The following LRP1B variants were observed in gnomAD, a reference collection of about 807,000 sequenced individuals.
LRP1B encodes LDL receptor related protein 1B.
A neutral mutation model predicts 556.6 loss-of-function variants in LRP1B; 217 were observed. The ratio of observed to expected loss-of-function variants is 0.39; its 90% CI spans 0.35 to 0.44. The LOEUF is 0.44. LRP1B is among the 20% of genes least tolerant of loss of function. The pLI, the probability that LRP1B is intolerant of heterozygous loss-of-function variation, is 1.00. For synonymous variants in LRP1B, 2,047 were observed against 1,865.8 expected, an observed-to-expected ratio of 1.10 and a Z score of -2.50; for missense variants, 5,053 against 5,620.8, an observed-to-expected ratio of 0.90 and a Z score of 3.23.
chr2:141,157,689 A>C (rs561281689), intron 7 of LRP1B, among the ~76,000 whole-genome samples: 1 of 152,252 alleles, frequency 6.6e-6, no homozygotes, highest in East Asian at 1.9e-4. Flanking sequence ...ATTACACAAA[A>C]ATTGTGCTGT....
chr2:140,871,909 A>T (rs1046457476), intron 25 of LRP1B, among the ~76,000 whole-genome samples: 12 of 152,218 alleles, frequency 7.9e-5, no homozygotes, highest in Admixed American at 6.6e-4. Context: ...ATGACATTTT[A>T]AAAGATTTTT....
chr2:141,700,566 G>T (rs1238773388), intron 2 of LRP1B, among the ~76,000 whole-genome samples: 1 of 151,718 alleles, frequency 6.6e-6, no homozygotes, highest in Non-Finnish European at 1.5e-5. Flanking sequence ...ATAGCCCAAA[G>T]TGAAGGCCTC....
chr2:141,131,407 T>TTATATATATATA (rs67661603), intron 7 of LRP1B, among the ~76,000 whole-genome samples: 21,402 of 110,146 alleles, frequency 0.19, 2,723 homozygotes, highest in Admixed American at 0.24. Context: ...ATGCATAAAG[T>TTATATATATATA]TATATATATA....
At chr2:140,540,319 AC>A (rs1446143939) in intron 45 of LRP1B, among the ~76,000 whole-genome samples, 2 of 152,130 alleles carry the variant, frequency 1.3e-5, no homozygotes, top group African/African-American at 2.4e-5. Context: ...AAGGAAATTA[AC>A]CTTTTTTAAA....
intron 4 of LRP1B, among the ~76,000 whole-genome samples, chr2:141,248,401 A>T (rs557699560): frequency 1.3e-5 from 2 of 152,286 alleles, no homozygotes; most frequent in East Asian, 3.9e-4. Context: ...TCGAGTTATG[A>T]TAGAAACAGG....
At chr2:140,961,063 A>G (rs926156470) in intron 18 of LRP1B, among the ~76,000 whole-genome samples, 3 of 151,942 alleles carry the variant, frequency 2.0e-5, no homozygotes, top group Non-Finnish European at 2.9e-5. Context: ...TGTGTTCTCT[A>G]TTTAATCCTC....
chr2:140,506,246 A>C (rs1689405977), intron 53 of LRP1B, among the ~76,000 whole-genome samples: 1 of 141,564 alleles, frequency 7.1e-6, no homozygotes, highest in African/African-American at 2.5e-5. Flanking sequence ...TAATTTATTT[A>C]TTTATGTATT....
intron 11 of LRP1B, among the ~76,000 whole-genome samples, chr2:141,044,552 A>G (rs1445677070): frequency 6.7e-6 from 1 of 149,862 alleles, no homozygotes; most frequent in Non-Finnish European, 1.5e-5. Flanking sequence ...AGAATCTACA[A>G]TGAACTCAAA....
rs201761576 is a variant in LRP1B at position 141,319,299 on chromosome 2, G to GTTT, written c.344-64661_344-64659dup. On this transcript the variant is annotated intron_variant, in intron 3 of 90. Transcript: ENST00000389484. ...CATAATGTAGTCTCTAAAAAGCAGT[G>GTTT]TTTTTTTGTTGTTTTTTTTTTTTTT... Among the ~76,000 whole-genome samples, 165 of 80,246 alleles carry GTTT rather than the reference G, an allele frequency of 2.1e-3. 14 individuals are homozygous for GTTT. The highest frequency in any genetic ancestry group is 3.0e-3 in the African/African-American group (59 of 19,584). 52.6% of individuals were successfully genotyped at this position (80,246 alleles called of 152,430 possible).
Position 142,053,481 on chromosome 2 carries a change from CAT to C in LRP1B, c.82+77165_82+77166del, listed in dbSNP as rs367670262. 4.4e-3 allele frequency among the ~76,000 whole-genome samples: 668 copies of C among 151,092 alleles called. 4 individuals carry two copies. The highest frequency in any genetic ancestry group is 0.014 in the African/African-American group (566 of 41,258). On this transcript the variant is annotated intron_variant, in intron 1 of 90. Coordinates refer to ENST00000389484, the MANE Select transcript of LRP1B (RefSeq NM_018557.3). ...TTAATGGATAAACAAAGGTTATATA[CAT>C]ATATATATATACACACATGTAAAGA...
At chr2:141,813,435 G>A (rs1696424443) in intron 1 of LRP1B, among the ~76,000 whole-genome samples, 1 of 152,076 alleles carries the variant, frequency 6.6e-6, no homozygotes, top group Non-Finnish European at 1.5e-5. Context: ...AAAGGTCAAG[G>A]GCTAAGGATT....
chr2:141,778,205 G>T (rs191894185), intron 2 of LRP1B, among the ~76,000 whole-genome samples: 1 of 152,286 alleles, frequency 6.6e-6, no homozygotes, highest in East Asian at 1.9e-4. Context: ...CCACTAGGAT[G>T]AATAAGAATA....
intron 20 of LRP1B, among the ~76,000 whole-genome samples, chr2:140,948,955 A>C (rs138649762): frequency 1.5e-3 from 223 of 152,374 alleles, no homozygotes; most frequent in African/African-American, 3.6e-3. Context: ...TTAAAGAGAA[A>C]GAGGGGAAAC....
At chr2:141,781,021 G>A (rs993215469) in intron 2 of LRP1B, among the ~76,000 whole-genome samples, 5 of 152,128 alleles carry the variant, frequency 3.3e-5, no homozygotes, top group African/African-American at 9.7e-5. Context: ...AGGGTAGGAT[G>A]TGGAGAACAT....
At chr2:140,472,566 G>T (rs960391044) in intron 60 of LRP1B, among the ~76,000 whole-genome samples, 11 of 151,992 alleles carry the variant, frequency 7.2e-5, no homozygotes, top group African/African-American at 2.7e-4. Flanking sequence ...GGTAGATCGG[G>T]GAGCAAAGAA....
chr2:141,639,347 T>TACAC (rs1300773531), intron 2 of LRP1B, among the ~76,000 whole-genome samples: 54 of 59,302 alleles, frequency 9.1e-4, no homozygotes, highest in African/African-American at 2.5e-3. Flanking sequence ...TATATATATA[T>TACAC]ATACACACAC....
At chr2:142,014,186 A>C (rs1048710383) in intron 1 of LRP1B, among the ~76,000 whole-genome samples, 1 of 136,872 alleles carries the variant, frequency 7.3e-6, no homozygotes, top group Non-Finnish European at 1.5e-5. Context: ...CTTTCTTAAT[A>C]AACTTGTTTT....
intron 7 of LRP1B, among the ~76,000 whole-genome samples, chr2:141,064,905 T>C (rs909331155): frequency 6.6e-6 from 1 of 151,904 alleles, no homozygotes; most frequent in African/African-American, 2.4e-5. Context: ...TTCTATAACA[T>C]ATTTTTCCAA....
chr2:140,729,819 A>G (rs957995039), intron 35 of LRP1B, among the ~76,000 whole-genome samples: 1 of 152,232 alleles, frequency 6.6e-6, no homozygotes, highest in Non-Finnish European at 1.5e-5. Context: ...CTTAGAAGAT[A>G]GTACAACATT....
Sources: allele counts gnomAD v4.1 joint callset (sites outside exome capture counted in the v4.1 genomes callset), GRCh38; gene constraint gnomAD v4.1.1; transcripts MANE v1.5; gene names NCBI Gene and HGNC (gene_info 2026-07-23, HGNC 2026-07-21).